ATG4C: variants seen among roughly 807,000 people sequenced by gnomAD.
ATG4C encodes cysteine protease ATG4C.
A neutral mutation model predicts 57.6 loss-of-function variants in ATG4C; 56 were observed. The observed-to-expected ratio is 0.97, with a 90% CI of 0.78 to 1.21. The LOEUF is 1.21. Ranked by LOEUF, ATG4C falls within the 50% of genes most tolerant of loss-of-function variation. The pLI is 0.00. For synonymous variants in ATG4C, 157 were observed against 174.1 expected (o/e 0.90, Z 0.78); for missense variants, 595 against 529.8 (o/e 1.12, Z -1.21).
At chr1:62,825,234 T>TTA (rs1239021352) in intron 6 of ATG4C, among the ~76,000 whole-genome samples, 149 of 127,016 alleles carry the variant, frequency 1.2e-3, no homozygotes, top group African/African-American at 4.3e-3. Flanking sequence ...AGACTCCGTC[T>TTA]AAAAAAAAAA....
At chr1:62,863,867 AC>A (rs1447751698) in intron 10 of ATG4C, 124 bp from the exon 11 acceptor site, 2 of 634,244 alleles carry the variant, frequency 3.2e-6, no homozygotes, top group Non-Finnish European at 5.3e-6. Flanking sequence ...AAGGAGTAGC[AC>A]TGGGTGAATG....
intron 6 of ATG4C, among the ~76,000 whole-genome samples, chr1:62,827,061 C>G: frequency 6.6e-6 from 1 of 151,232 alleles, no homozygotes; most frequent in Non-Finnish European, 1.5e-5. Context: ...CCTATACAGT[C>G]TATTATGAAC....
chr1:62,854,870 T>A (rs1402123208), intron 10 of ATG4C, among the ~76,000 whole-genome samples: 5 of 152,166 alleles, frequency 3.3e-5, no homozygotes, highest in Non-Finnish European at 7.4e-5. Context: ...TGAATATATG[T>A]TGTCTGCTCT....
rs541894724 is a variant in ATG4C, at chr1:62,807,574, A to C, written c.160+2319A>C. ...GATGAAGCCTCCATAAGAATCCCTG[A>C]AATACGGGATATGTAGAGCTTCTGG... On this transcript the variant is annotated intron_variant, in intron 3 of 10. Coordinates refer to ENST00000317868, the MANE Select transcript of ATG4C (RefSeq NM_032852.4). Among the ~76,000 whole-genome samples the C allele has an allele frequency of 2.0e-5, 3 of 152,278 alleles. No homozygotes were observed. The South Asian group carries it at 6.2e-4, about 32-fold the overall frequency.
intron 10 of ATG4C, among the ~76,000 whole-genome samples, chr1:62,861,071 G>T (rs1243222754): frequency 6.6e-6 from 1 of 152,176 alleles, no homozygotes; most frequent in Non-Finnish European, 1.5e-5. Context: ...TAGCTTCAGT[G>T]TAGCTTTAGC....
intron 6 of ATG4C, among the ~76,000 whole-genome samples, chr1:62,822,327 GA>G (rs765283146): frequency 1.1e-4 from 17 of 152,208 alleles, no homozygotes; most frequent in Non-Finnish European, 2.1e-4. Flanking sequence ...ATAGCCATAG[GA>G]AAAGAAAAGG....
chr1:62,808,879 A>G (rs937864557), intron 3 of ATG4C, among the ~76,000 whole-genome samples: 12 of 152,196 alleles, frequency 7.9e-5, no homozygotes, highest in Non-Finnish European at 1.5e-4. Flanking sequence ...TGCTAAAACT[A>G]AATTGCATTG....
intron 1 of ATG4C, among the ~76,000 whole-genome samples, chr1:62,793,941 T>C (rs557017810): frequency 6.6e-6 from 1 of 152,242 alleles, no homozygotes; most frequent in South Asian, 2.1e-4. Flanking sequence ...GAAAGTTGCG[T>C]TTTGAAGTAG....
At position 62,827,201 on chromosome 1, in the gene ATG4C, C is replaced by T. The variant is rs768901464; in HGVS notation, c.797-1839C>T. Among the ~76,000 whole-genome samples, 86 of 152,092 alleles carry T rather than the reference C, an allele frequency of 5.7e-4. 1 individual carries two copies. Among genetic ancestry groups the T allele is most frequent in the Non-Finnish European group, 1.3e-4 (9 of 68,020 alleles). ...AGCTCACACAATCTGTCTTCATTCTCCCCTATAACTATAATCGTATCTTCT... is the reference window on the plus strand; with the variant it reads ...AGCTCACACAATCTGTCTTCATTCTTCCCTATAACTATAATCGTATCTTCT... On this transcript the variant is annotated intron_variant, in intron 6 of 10. Coordinates refer to ENST00000317868, the MANE Select transcript of ATG4C (RefSeq NM_032852.4).
At chr1:62,789,780 G>C (rs1271380284) in intron 1 of ATG4C, among the ~76,000 whole-genome samples, 1 of 152,100 alleles carries the variant, frequency 6.6e-6, no homozygotes, top group Non-Finnish European at 1.5e-5. Context: ...TCGCGCCACT[G>C]CACTCCAGCC....
Position 62,822,920 on chromosome 1 carries a change from C to T in ATG4C, c.796+1711C>T, listed in dbSNP as rs182276841. 5.3e-4 allele frequency among the ~76,000 whole-genome samples: 80 copies of T among 152,196 alleles called. No homozygotes were observed. In the Middle Eastern group the frequency reaches 0.014, roughly 26 times the overall value. ...CTATAATCCCAGCACTTTGACAGGCCGAGGTCGGGGGATCACTTGAGCCCA... is the reference window on the plus strand; with the variant it reads ...CTATAATCCCAGCACTTTGACAGGCTGAGGTCGGGGGATCACTTGAGCCCA... On this transcript the variant is annotated intron_variant, in intron 6 of 10. Transcript: ENST00000317868.
chr1:62,856,878 T>A (rs901506356), intron 10 of ATG4C, among the ~76,000 whole-genome samples: 1 of 152,140 alleles, frequency 6.6e-6, no homozygotes, highest in Non-Finnish European at 1.5e-5. Context: ...GTAGTCTGTT[T>A]AAGGGAACAG....
At chr1:62,857,633 G>T (rs1486712934) in intron 10 of ATG4C, among the ~76,000 whole-genome samples, 1 of 152,134 alleles carries the variant, frequency 6.6e-6, no homozygotes, top group African/African-American at 2.4e-5. Context: ...TTCCTGAAAG[G>T]TTGGGGACTG....
At chr1:62,849,517 CTT>C (rs886127646) in intron 10 of ATG4C, among the ~76,000 whole-genome samples, 2 of 146,126 alleles carry the variant, frequency 1.4e-5, no homozygotes. Flanking sequence ...CATACTTTAT[CTT>C]TTTTTTTTTG....
At chr1:62,863,264 G>C (rs1312771966) in intron 10 of ATG4C, among the ~76,000 whole-genome samples, 1 of 151,928 alleles carries the variant, frequency 6.6e-6, no homozygotes, top group Non-Finnish European at 1.5e-5. Context: ...ATTACTATGT[G>C]TGAGAAGGTC....
chr1:62,784,449 T>A (rs1664015179), intron 1 of ATG4C, among the ~76,000 whole-genome samples, 176 bp downstream of exon 1: 1 of 152,170 alleles, frequency 6.6e-6, no homozygotes, highest in Non-Finnish European at 1.5e-5. Flanking sequence ...GTGTCATTTG[T>A]CTTCTAACTC....
At position 62,865,428 on chromosome 1, in the gene ATG4C, T is replaced by C. The variant is rs995762304; in HGVS notation, c.*1269T>C. The C allele has an allele frequency of 6.6e-6, 1 of 151,900 alleles. No homozygotes were observed. The highest frequency in any genetic ancestry group is 2.4e-5 in the African/African-American group (1 of 41,422). 9.4% of individuals were successfully genotyped at this position (151,900 alleles called of 1,614,324 possible). ...GCTGAAAGAGAGGGTGGGCGGATTG[T>C]TTTAGTATACCTGATGAGAAAAATC... On this transcript the variant is annotated 3_prime_UTR_variant, in exon 11 of 11. Transcript: ENST00000317868.
chr1:62,853,312 T>C (rs749110159), intron 10 of ATG4C, among the ~76,000 whole-genome samples: 17 of 152,238 alleles, frequency 1.1e-4, no homozygotes, highest in Admixed American at 7.2e-4. Flanking sequence ...ATTGCTGCAC[T>C]TCTTTGTGCA....
At position 62,845,619 on chromosome 1, in the gene ATG4C, C is replaced by G. The variant is rs570084393; in HGVS notation, c.1209+4072C>G. 5.3e-5 allele frequency among the ~76,000 whole-genome samples: 8 copies of G among 152,198 alleles called. No homozygotes were observed. The East Asian group carries it at 9.6e-4, about 18-fold the overall frequency. On this transcript the variant is annotated intron_variant, in intron 10 of 10. Transcript: ENST00000317868. ...TTGTATCAAAGAAATCTTTAATAAG[C>G]AAAAGTCATAAACATATTCTCCTAT...
Sources: gnomAD v4.1 joint callset for allele counts (sites outside exome capture counted in the v4.1 genomes callset) on GRCh38, gnomAD v4.1.1 for gene constraint, MANE v1.5 for transcripts, NCBI Gene and HGNC (gene_info 2026-07-23, HGNC 2026-07-21) for gene names.